KCNAB1: variants seen among roughly 807,000 people sequenced by gnomAD.
KCNAB1 encodes potassium voltage-gated channel subfamily A regulatory beta subunit 1.
In KCNAB1, 35 loss-of-function variants were observed where a neutral mutation model predicts 64.6. The observed-to-expected ratio is 0.54, with a 90% CI of 0.41 to 0.72. The LOEUF (loss-of-function observed/expected upper bound fraction) is 0.72. KCNAB1 is among the 30% of genes least tolerant of loss of function. The probability of loss-of-function intolerance (pLI) is 0.00; values close to 1 mark genes in which losing one functional copy is unlikely to be tolerated. For missense variants in KCNAB1, 401 were observed against 512.9 expected (o/e 0.78, Z 2.11); for synonymous variants, 177 against 183.8 (o/e 0.96, Z 0.30).
intron 1 of KCNAB1, among the ~76,000 whole-genome samples, chr3:156,208,337 C>T (rs529221278): frequency 8.5e-5 from 13 of 152,292 alleles, no homozygotes; most frequent in African/African-American, 3.1e-4. Flanking sequence ...TCCTTTTTCA[C>T]GGCCATGCTT....
intron 7 of KCNAB1, among the ~76,000 whole-genome samples, chr3:156,467,958 T>C (rs572935839): frequency 2.0e-5 from 3 of 152,278 alleles, no homozygotes; most frequent in Non-Finnish European, 4.4e-5. Flanking sequence ...GGAAATTCAC[T>C]CTTCATGTTG....
At chr3:156,273,255 C>T (rs1042830678) in intron 1 of KCNAB1, among the ~76,000 whole-genome samples, 2 of 152,200 alleles carry the variant, frequency 1.3e-5, no homozygotes, top group East Asian at 1.9e-4. Flanking sequence ...CCTCCAAATC[C>T]ACTGGCTCTG....
At chr3:156,514,008 T>C (rs938742882) in intron 8 of KCNAB1, among the ~76,000 whole-genome samples, 2 of 152,190 alleles carry the variant, frequency 1.3e-5, no homozygotes, top group African/African-American at 4.8e-5. Flanking sequence ...CTTCTCACTT[T>C]AGTCGGGAAG....
At chr3:156,339,479 A>G (rs1248369989) in intron 1 of KCNAB1, among the ~76,000 whole-genome samples, 1 of 152,180 alleles carries the variant, frequency 6.6e-6, no homozygotes, top group East Asian at 1.9e-4. Context: ...GGTTCAGAGA[A>G]GTGAAGTGGT....
At position 156,331,115 on chromosome 3, in the gene KCNAB1, C is replaced by T. The variant is rs116077533; in HGVS notation, c.276-90501C>T. ...GGGCTCCTTGTCCATCACTGATAAT[C>T]AGTCACTGGAAACCTGCTCCTAGGA... On this transcript the variant is annotated intron_variant, in intron 1 of 13. Coordinates refer to ENST00000490337, the MANE Select transcript of KCNAB1 (RefSeq NM_172160.3). Among the ~76,000 whole-genome samples the T allele has an allele frequency of 7.7e-3, 1,180 of 152,264 alleles. 10 individuals are homozygous for T. The highest frequency in any genetic ancestry group is 0.027 in the African/African-American group (1,129 of 41,556).
In KCNAB1 at chr3:156,337,048, A is replaced by G. The variant is rs1322101555; in HGVS notation, c.276-84568A>G. Among the ~76,000 whole-genome samples, 12 of 152,228 alleles carry G rather than the reference A, an allele frequency of 7.9e-5. No homozygotes were observed. In the East Asian group the frequency reaches 2.3e-3, roughly 29 times the overall value. On this transcript the variant is annotated intron_variant, in intron 1 of 13. Transcript: ENST00000490337. ...AAGTGACTGCGATTATTGTTACCTT[A>G]TTATCCCAACTTTTTGCCTTTGCTA...
intron 1 of KCNAB1, among the ~76,000 whole-genome samples, chr3:156,401,465 A>G (rs1354010366): frequency 6.6e-6 from 1 of 152,218 alleles, no homozygotes; most frequent in Non-Finnish European, 1.5e-5. Context: ...AGGCAGTGAA[A>G]TTCAAGTTAA....
At chr3:156,307,823 A>G (rs1484637606) in intron 1 of KCNAB1, among the ~76,000 whole-genome samples, 1 of 152,238 alleles carries the variant, frequency 6.6e-6, no homozygotes, top group East Asian at 1.9e-4. Flanking sequence ...AAGGCTGTAC[A>G]GAATATAGTC....
At position 156,271,157 on chromosome 3, in the gene KCNAB1, G is replaced by A. The variant is rs73162796; in HGVS notation, c.275+150271G>A. On this transcript the variant is annotated intron_variant, in intron 1 of 13. Coordinates refer to ENST00000490337, the MANE Select transcript of KCNAB1 (RefSeq NM_172160.3). The stretch of plus-strand genomic sequence containing the variant: ...TAGGAGTTTGATTATTGAAGGTTTT[G>A]AGGTAGCCTTCTTTGGGTTAAATCT... Among the ~76,000 whole-genome samples, 275 of 152,178 alleles carry A rather than the reference G, an allele frequency of 1.8e-3. 2 individuals are homozygous for A. Among genetic ancestry groups the A allele is most frequent in the Non-Finnish European group, 3.2e-3 (220 of 68,014 alleles).
chr3:156,293,253 G>T (rs1720567761), intron 1 of KCNAB1, among the ~76,000 whole-genome samples: 1 of 152,216 alleles, frequency 6.6e-6, no homozygotes, highest in Admixed American at 6.5e-5. Context: ...GTTTCTAAAA[G>T]TGTTTGTGAA....
At chr3:156,500,528 A>T (rs1460581955) in intron 8 of KCNAB1, among the ~76,000 whole-genome samples, 2 of 152,220 alleles carry the variant, frequency 1.3e-5, no homozygotes, top group Non-Finnish European at 2.9e-5. Flanking sequence ...TGCAAAATAA[A>T]AAAACTAACA....
At chr3:156,490,046 A>T (rs1483037391) in intron 8 of KCNAB1, among the ~76,000 whole-genome samples, 1 of 152,070 alleles carries the variant, frequency 6.6e-6, no homozygotes, top group African/African-American at 2.4e-5. Context: ...GGAGACATTG[A>T]GTTGACAGGC....
At chr3:156,327,103 A>C (rs1459750671) in intron 1 of KCNAB1, among the ~76,000 whole-genome samples, 1 of 152,226 alleles carries the variant, frequency 6.6e-6, no homozygotes, top group African/African-American at 2.4e-5. Flanking sequence ...TGGTTAAGGC[A>C]AACGTAAGAG....
intron 4 of KCNAB1, 110 bp downstream of exon 4, chr3:156,457,642 T>C: frequency 1.1e-6 from 1 of 921,290 alleles, no homozygotes; most frequent in Non-Finnish European, 1.8e-6. Context: ...TCTCCACGTG[T>C]TGGCAGCTCT....
chr3:156,410,226 A>G (rs777082920), intron 1 of KCNAB1, among the ~76,000 whole-genome samples: 1 of 152,182 alleles, frequency 6.6e-6, no homozygotes, highest in Non-Finnish European at 1.5e-5. Context: ...CAACCCTAGT[A>G]TTCAACTCTA....
intron 1 of KCNAB1, among the ~76,000 whole-genome samples, chr3:156,415,982 C>T (rs1455516556): frequency 6.6e-6 from 1 of 152,124 alleles, no homozygotes; most frequent in Admixed American, 6.5e-5. Flanking sequence ...TGAAAAGCAC[C>T]CCTCTTCACC....
At chr3:156,229,737 C>T (rs985278391) in intron 1 of KCNAB1, among the ~76,000 whole-genome samples, 3 of 152,148 alleles carry the variant, frequency 2.0e-5, no homozygotes, top group African/African-American at 7.2e-5. Flanking sequence ...GAAGACCTTC[C>T]AGTTTTGACT....
intron 12 of KCNAB1, among the ~76,000 whole-genome samples, chr3:156,530,009 G>A (rs1305161565): frequency 2.0e-5 from 3 of 152,178 alleles, no homozygotes; most frequent in African/African-American, 7.2e-5. Context: ...ACAGCAAGAA[G>A]GTGACTGGGA....
chr3:156,165,177 C>G (rs1273265082), intron 1 of KCNAB1, among the ~76,000 whole-genome samples: 7 of 141,264 alleles, frequency 5.0e-5, no homozygotes. Context: ...ACTTGGGAGG[C>G]TGAGGCAGGA....
Sources: allele counts gnomAD v4.1 joint callset (sites outside exome capture counted in the v4.1 genomes callset), GRCh38; gene constraint gnomAD v4.1.1; transcripts MANE v1.5; gene names NCBI Gene and HGNC (gene_info 2026-07-23, HGNC 2026-07-21).